The following AVEN variants were observed in gnomAD, a reference collection of about 807,000 sequenced individuals.
The protein encoded by AVEN is apoptosis and caspase activation inhibitor.
A neutral mutation model predicts 38.1 loss-of-function variants in AVEN; 41 were observed. That is an observed-to-expected ratio of 1.08 (90% CI 0.84 to 1.40). The LOEUF is 1.40. AVEN is among the 40% of genes most tolerant of loss of function. AVEN has a pLI of 0.00. For missense variants in AVEN, 605 were observed against 438.8 expected, an observed-to-expected ratio of 1.38 and a Z score of -3.38; for synonymous variants, 206 against 171.8, an observed-to-expected ratio of 1.20 and a Z score of -1.56.
At chr15:34,022,173 C>T (rs1250697554) in intron 1 of AVEN, among the ~76,000 whole-genome samples, 2 of 152,212 alleles carry the variant, frequency 1.3e-5, no homozygotes, top group African/African-American at 4.8e-5. Context: ...TCTATTGCTC[C>T]TCAGACATCA....
intron 2 of AVEN, among the ~76,000 whole-genome samples, chr15:33,963,346 T>C (rs1185142215): frequency 1.3e-5 from 2 of 152,184 alleles, no homozygotes; most frequent in Non-Finnish European, 2.9e-5. Context: ...ATCCTTTCTT[T>C]AAAATTTATC....
At chr15:34,020,810 A>G (rs1223122923) in intron 1 of AVEN, among the ~76,000 whole-genome samples, 1 of 152,228 alleles carries the variant, frequency 6.6e-6, no homozygotes, top group East Asian at 1.9e-4. Flanking sequence ...ACTTGTTTTT[A>G]TAAGAAAAGG....
In AVEN at chr15:33,927,534, A is replaced by G. The variant is rs540714626; in HGVS notation, c.446-51539T>C. Among the ~76,000 whole-genome samples the G allele has an allele frequency of 3.9e-5, 6 of 152,262 alleles. No homozygotes were observed. The East Asian group carries it at 5.8e-4, about 15-fold the overall frequency. ...GATGTTCTGATATTTCTCTACTGGA[A>G]GATACAGACTGATTGGAGGTAATTT... On this transcript the variant is annotated intron_variant, in intron 2 of 5. Transcript: ENST00000306730.
chr15:33,990,363 C>G (rs1171710033), intron 2 of AVEN, among the ~76,000 whole-genome samples: 1 of 151,744 alleles, frequency 6.6e-6, no homozygotes, highest in African/African-American at 2.4e-5. Context: ...GCATGGGCGA[C>G]AGAGTGAGAC....
At chr15:33,863,960 T>C (rs963866273), downstream of AVEN, among the ~76,000 whole-genome samples, 1 of 152,200 alleles carries the variant, frequency 6.6e-6, no homozygotes, top group African/African-American at 2.4e-5. Flanking sequence ...TTGAGATTCA[T>C]GTGTGCTACT....
intron 4 of AVEN, among the ~76,000 whole-genome samples, chr15:33,868,177 T>G (rs1890773580): frequency 6.6e-6 from 1 of 152,088 alleles, no homozygotes; most frequent in Admixed American, 6.6e-5. Context: ...GTACCATAGG[T>G]CTATTTGGCT....
At chr15:34,046,570 C>T (rs1312086780) in intron 5 of AVEN, 2 of 152,186 alleles carry the variant, frequency 1.3e-5, no homozygotes, top group Admixed American at 1.3e-4. Context: ...AGCCTTGCAA[C>T]TTAAAATATG....
downstream of AVEN, chr15:33,865,075 G>T: frequency 7.2e-7 from 1 of 1,397,070 alleles, no homozygotes; most frequent in Non-Finnish European, 1.0e-6. Flanking sequence ...AAACAAACTG[G>T]GTTTTAGCTT....
In AVEN at chr15:33,866,686, G is replaced by A; in HGVS notation, c.1016C>T (p.Pro339Leu). ...ATTTTTGGAGGTACTTGGTTGCTCA[G>A]GTTCCATGTTTTTTTCTTCAGTCAC... is the stretch of plus-strand genomic sequence containing the variant. ...PSVTEEKNME[P>L]EQPSTSKNVT... is the part of the protein sequence containing the mutation. The change falls in exon 6 of 6, where the codon CCT (proline) becomes CTT (leucine). Residue 339 changes from proline to leucine, a missense_variant. Pro to Leu is a moderately conservative substitution (Grantham distance 98). Coordinates refer to ENST00000306730, the MANE Select transcript of AVEN (RefSeq NM_020371.3). 1.2e-6 allele frequency: 2 copies of A among 1,613,960 alleles called. No individual in the cohort carries two copies. Among genetic ancestry groups the A allele is most frequent in the Non-Finnish European group, 1.7e-6 (2 of 1,179,910 alleles).
downstream of AVEN, chr15:33,865,082 G>A: frequency 6.8e-7 from 1 of 1,477,590 alleles, no homozygotes; most frequent in South Asian, 1.2e-5. Context: ...CTGGGTTTTA[G>A]CTTTTACTGT....
chr15:33,912,852 G>A (rs970753423), intron 2 of AVEN, among the ~76,000 whole-genome samples: 1 of 151,666 alleles, frequency 6.6e-6, no homozygotes, highest in African/African-American at 2.4e-5. Flanking sequence ...TTATAAACTG[G>A]CTATGTTGTT....
rs199681177 is a variant in AVEN, at chr15:34,063,349, T to C, written n.1210A>G. The C allele has an allele frequency of 6.2e-7, 1 of 1,614,116 alleles. No individual in the cohort carries two copies. Among genetic ancestry groups the C allele is most frequent in the African/African-American group, 1.3e-5 (1 of 75,036 alleles). On this transcript the variant is annotated non_coding_transcript_exon_variant, in exon 5 of 12. Coordinates refer to the AVEN transcript ENST00000675287. The surrounding 1 kb of genome is among the most constrained non-coding windows in gnomAD (Gnocchi z 4.1). ...TACATCCCTGTTTCTGTCATGACCA[T>C]CCTCTACTGTCGAATCTACCGGGAA...
chr15:33,979,235 C>T (rs72718621), intron 2 of AVEN, among the ~76,000 whole-genome samples: 7,042 of 152,188 alleles, frequency 0.046, 243 homozygotes, highest in Non-Finnish European at 0.069. Context: ...AAAGACTGCA[C>T]GGTTGGCCAG....
downstream of AVEN, among the ~76,000 whole-genome samples, chr15:33,863,373 T>C (rs1225083839): frequency 6.6e-6 from 1 of 152,222 alleles, no homozygotes; most frequent in African/African-American, 2.4e-5. Context: ...CCTGACGCTC[T>C]ATACACTATA....
chr15:33,892,481 G>C (rs1186125865), intron 2 of AVEN, among the ~76,000 whole-genome samples: 1 of 151,894 alleles, frequency 6.6e-6, no homozygotes, highest in Non-Finnish European at 1.5e-5. Flanking sequence ...TATTAAATAG[G>C]GAATCCTTTC....
chr15:33,891,689 T>C (rs9796533), intron 2 of AVEN, among the ~76,000 whole-genome samples: 124,690 of 152,110 alleles, frequency 0.82, 55,193 homozygotes, highest in Non-Finnish European at 0.98. Context: ...ACAATAAAAA[T>C]AGGTGTGCAT....
chr15:33,906,570 T>C (rs543213144), intron 2 of AVEN, among the ~76,000 whole-genome samples: 1 of 152,346 alleles, frequency 6.6e-6, no homozygotes, highest in African/African-American at 2.4e-5. Flanking sequence ...AATACATAAT[T>C]CTATTTTTAA....
At position 33,870,850 on chromosome 15, in the gene AVEN, G is replaced by A. The variant is rs1180626708; in HGVS notation, c.612+85C>T. 6 of 931,030 alleles carry A rather than the reference G, an allele frequency of 6.4e-6. No individual in the cohort carries two copies. The African/African-American group carries it at 6.7e-5, about 10-fold the overall frequency. The allele number at this position is 931,030 out of a possible 1,614,324, so 57.7% of individuals were successfully genotyped here. The stretch of plus-strand genomic sequence containing the variant: ...ACTTTTATAAAGGGAAGCTGACACT[G>A]AGACATCCTGCTGAGGGAAGTGTTC... On this transcript the variant is annotated intron_variant, in intron 4 of 5. Coordinates refer to ENST00000306730, the MANE Select transcript of AVEN (RefSeq NM_020371.3).
chr15:33,978,489 C>T (rs778019737), intron 2 of AVEN, among the ~76,000 whole-genome samples: 1 of 152,058 alleles, frequency 6.6e-6, no homozygotes, highest in Non-Finnish European at 1.5e-5. Context: ...CATGGTGAAA[C>T]CCTGTCTCTA....
Sources: allele counts gnomAD v4.1 joint callset (sites outside exome capture counted in the v4.1 genomes callset), GRCh38; gene constraint gnomAD v4.1.1; non-coding constraint Gnocchi (gnomAD v3.1); transcripts MANE v1.5; gene names NCBI Gene and HGNC (gene_info 2026-07-23, HGNC 2026-07-21).